LARP4B: variants seen among roughly 807,000 people sequenced by gnomAD.
The protein encoded by LARP4B is la-related protein 4B.
LARP4B carries 12 observed loss-of-function variants against 89.8 expected under a neutral mutation model. The ratio of observed to expected loss-of-function variants is 0.13; its 90% CI spans 0.09 to 0.22. The LOEUF is 0.22. Ranked by LOEUF, LARP4B falls within the 10% of genes least tolerant of loss-of-function variation. The pLI is 1.00. For synonymous variants in LARP4B, 367 were observed against 363.3 expected, an observed-to-expected ratio of 1.01 and a Z score of -0.12; for missense variants, 757 against 947.7, an observed-to-expected ratio of 0.80 and a Z score of 2.64.
chr10:896,947 G>C (rs989032801), intron 1 of LARP4B, among the ~76,000 whole-genome samples: 1 of 149,874 alleles, frequency 6.7e-6, no homozygotes, highest in African/African-American at 2.5e-5. Flanking sequence ...TTAAGCTACA[G>C]ATTCAATATA....
intron 1 of LARP4B, among the ~76,000 whole-genome samples, chr10:905,690 GAGGAGCAAGGGAGGAGC>G (rs1836471465): frequency 6.7e-6 from 1 of 150,084 alleles, no homozygotes; most frequent in African/African-American, 2.4e-5. Flanking sequence ...GGGAGGAGCT[GAGGAGCAAGGGAGGAGC>G]TGAGGAGCAG....
chr10:841,367 A>G (rs1042259457), intron 7 of LARP4B, among the ~76,000 whole-genome samples: 15 of 152,210 alleles, frequency 9.9e-5, no homozygotes, highest in Admixed American at 7.9e-4. Flanking sequence ...ATGAGAAACT[A>G]AAGAGCTCAG....
At chr10:835,465 G>A (rs1354369931) in intron 8 of LARP4B, among the ~76,000 whole-genome samples, 5 of 152,114 alleles carry the variant, frequency 3.3e-5, no homozygotes, top group Admixed American at 2.0e-4. Flanking sequence ...TGTGTTCTGC[G>A]AGTCCCCAAA....
At position 813,134 on chromosome 10, in the gene LARP4B, T is replaced by C; in HGVS notation, c.2009A>G (p.Lys670Arg). 6.2e-7 allele frequency: 1 copy of C among 1,614,158 alleles called. No homozygotes were observed. Among genetic ancestry groups the C allele is most frequent in the Non-Finnish European group, 8.5e-7 (1 of 1,180,018 alleles). ...ACCAACAGTGTTTGGCTTTTGTTCT[T>C]TTTGGGGTTGCAATGGGGAAGAAGG... is the stretch of plus-strand genomic sequence containing the variant. The part of the protein sequence containing the change: ...EPPSSPLQPQ[K>R]EQKPNTVGCG... Residue 670 changes from lysine (K) to arginine (R), a missense_variant, in exon 18 of 18, where the codon AAA (lysine) becomes AGA (arginine). Around this residue, in one of 5 missense-constraint regions of LARP4B, gnomAD observed 387 missense variants for 423.6 expected, o/e 0.91. Coordinates refer to ENST00000316157, the MANE Select transcript of LARP4B (RefSeq NM_015155.3).
the LARP4B span, chr10:987,410 G>A: frequency 1.3e-5 from 2 of 152,212 alleles, no homozygotes; most frequent in African/African-American, 4.8e-5. Context: ...TCCCAGATGC[G>A]TGAGAAGCAG....
chr10:971,634 G>A, the LARP4B span: 2 of 152,152 alleles, frequency 1.3e-5, no homozygotes, highest in African/African-American at 2.4e-5. Flanking sequence ...GATAGCTTCT[G>A]TATTAGATAT....
At chr10:839,643 A>T (rs776429117) in intron 7 of LARP4B, among the ~76,000 whole-genome samples, 7 of 152,246 alleles carry the variant, frequency 4.6e-5, no homozygotes, top group Non-Finnish European at 1.0e-4. Context: ...ATGATTGCAT[A>T]CGAAGTGTCA....
At chr10:936,732 AC>A (rs993604622), upstream of LARP4B, among the ~76,000 whole-genome samples, 6 of 152,142 alleles carry the variant, frequency 3.9e-5, no homozygotes, top group African/African-American at 1.2e-4. Flanking sequence ...CCCCCAAAAA[AC>A]AACAAAAAAC....
At position 814,717 on chromosome 10, in the gene LARP4B, A is replaced by G. The variant is rs1831935377; in HGVS notation, c.1929+25T>C. On this transcript the variant is annotated intron_variant, in intron 17 of 17. Transcript: ENST00000316157. This position sits in a 1 kb window ranked among gnomAD's most constrained non-coding sequence, Gnocchi z 4.4. ...CACCAGAGCCTCGCGGCTGTCGTGCAGGAAGGCAGGCACGAGGTACGTACC... is the reference window on the plus strand; with the variant it reads ...CACCAGAGCCTCGCGGCTGTCGTGCGGGAAGGCAGGCACGAGGTACGTACC... The G allele has an allele frequency of 6.4e-7, 1 of 1,572,268 alleles. No individual in the cohort carries two copies. Among genetic ancestry groups the G allele is most frequent in the Admixed American group, 1.8e-5 (1 of 54,166 alleles).
chr10:822,531 G>C lies in LARP4B; in HGVS notation c.1485-1686C>G, dbSNP rs916609586. Among the ~76,000 whole-genome samples, 1 of 152,180 alleles carries C rather than the reference G, an allele frequency of 6.6e-6. No individual in the cohort carries two copies. Among genetic ancestry groups the C allele is most frequent in the Non-Finnish European group, 1.5e-5 (1 of 68,020 alleles). ...CCCCCACACCCTCACTGGGCTCCAC[G>C]TAACCCGTGTCAGACCCAGAAGCCC... On this transcript the variant is annotated intron_variant, in intron 13 of 17. Coordinates refer to ENST00000316157, the MANE Select transcript of LARP4B (RefSeq NM_015155.3). The surrounding 1 kb of genome is among the most constrained non-coding windows in gnomAD (Gnocchi z 4.6).
intron 1 of LARP4B, among the ~76,000 whole-genome samples, chr10:924,060 C>G (rs1837065337): frequency 6.6e-6 from 1 of 151,630 alleles, no homozygotes; most frequent in Admixed American, 6.6e-5. Flanking sequence ...ATAGTGAGAC[C>G]CGCCACCTCT....
At chr10:874,421 C>A (rs1835373689) in intron 3 of LARP4B, among the ~76,000 whole-genome samples, 1 of 152,180 alleles carries the variant, frequency 6.6e-6, no homozygotes, top group Admixed American at 6.5e-5. Flanking sequence ...GGTACCAGAA[C>A]TAGAAAGTCT....
At chr10:870,492 G>C (rs1716616249) in intron 3 of LARP4B, among the ~76,000 whole-genome samples, 1 of 152,168 alleles carries the variant, frequency 6.6e-6, no homozygotes, top group Non-Finnish European at 1.5e-5. Context: ...ACACCAACCA[G>C]AAAGAAATTG....
intron 5 of LARP4B, among the ~76,000 whole-genome samples, chr10:860,811 T>A (rs1834561503): frequency 6.6e-6 from 1 of 152,078 alleles, no homozygotes; most frequent in African/African-American, 2.4e-5. Flanking sequence ...CCATCTTTTT[T>A]TTTAAAGAGA....
chr10:825,227 G>A lies in LARP4B; in HGVS notation c.1322C>T (p.Thr441Ile). Residue 441 changes from threonine to isoleucine, a missense_variant, in exon 13 of 18, where the codon ACT becomes ATT. Physicochemically the swap from Thr to Ile is moderately conservative, Grantham distance 89. Transcript: ENST00000316157. ...LLESPSIFNFTADRLINGVRS... is the reference protein window; with the variant it reads ...LLESPSIFNFIADRLINGVRS... ...GACACCATTAATTAATCGATCTGCA[G>A]TGAAGTTAAATATTGAAGGACTTTC... 1 of 1,614,174 alleles carries A rather than the reference G, an allele frequency of 6.2e-7. No individual in the cohort carries two copies. The highest frequency in any genetic ancestry group is 8.5e-7 in the Non-Finnish European group (1 of 1,180,036).
At chr10:906,326 G>T (rs903275718) in intron 1 of LARP4B, among the ~76,000 whole-genome samples, 6 of 152,158 alleles carry the variant, frequency 3.9e-5, no homozygotes, top group Non-Finnish European at 8.8e-5. Context: ...ATGAGTAACT[G>T]CTTTTACACT....
chr10:954,383 A>C, the LARP4B span, among the ~76,000 whole-genome samples: 3 of 152,116 alleles, frequency 2.0e-5, no homozygotes, highest in African/African-American at 7.2e-5. This position sits in a 1 kb window ranked among gnomAD's most constrained non-coding sequence, Gnocchi z 5.0. Context: ...GGCTCTAAAC[A>C]ACCAGTAGGA....
intron 1 of LARP4B, among the ~76,000 whole-genome samples, chr10:913,899 G>C (rs1211121793): frequency 1.3e-5 from 2 of 151,712 alleles, no homozygotes; most frequent in Non-Finnish European, 2.9e-5. Context: ...ACACAGTAAG[G>C]CTGGGTCTCA....
intron 1 of LARP4B, among the ~76,000 whole-genome samples, chr10:927,308 G>A (rs913365527): frequency 2.6e-5 from 4 of 152,140 alleles, no homozygotes; most frequent in African/African-American, 9.6e-5. Flanking sequence ...AGAAAGAGAA[G>A]GGAAGGAAAC....
Sources: gnomAD v4.1 joint callset for allele counts (sites outside exome capture counted in the v4.1 genomes callset) on GRCh38, gnomAD v4.1.1 for gene constraint, gnomAD v4.1.1 regional missense constraint, Gnocchi (gnomAD v3.1) non-coding constraint, MANE v1.5 for transcripts, NCBI Gene and HGNC (gene_info 2026-07-23, HGNC 2026-07-21) for gene names.